Variants in OSBPL5 observed in about 807,000 individuals in gnomAD.
OSBPL5 encodes the protein oxysterol binding protein like 5, also known as oxysterol-binding protein-related protein 5.
OSBPL5 carries 71 observed loss-of-function variants against 111.2 expected under a neutral mutation model. That is an observed-to-expected ratio of 0.64 (90% CI 0.53 to 0.78). The LOEUF is 0.78. Among genes scored for constraint, OSBPL5 ranks in the 30% least tolerant of loss-of-function variants. The pLI, the probability that OSBPL5 is intolerant of heterozygous loss-of-function variation, is 0.00. For synonymous variants in OSBPL5, 549 were observed against 513.9 expected (o/e 1.07, Z -0.93); for missense variants, 1,210 against 1,189.3 (o/e 1.02, Z -0.26).
intron 17 of OSBPL5, 32 bp downstream of exon 17, chr11:3,093,495 C>A: frequency 6.3e-7 from 1 of 1,598,508 alleles, no homozygotes; most frequent in South Asian, 1.1e-5. Context: ...AGGCTGTGGT[C>A]AGCAGGGTCC....
intron 6 of OSBPL5, among the ~76,000 whole-genome samples, chr11:3,120,157 T>G (rs924397817): frequency 3.9e-5 from 6 of 152,192 alleles, no homozygotes; most frequent in Non-Finnish European, 8.8e-5. Context: ...GAGCAGCCAC[T>G]GTTGTCCCTC....
chr11:3,147,866 G>A (rs574745903), intron 1 of OSBPL5, among the ~76,000 whole-genome samples: 11 of 152,246 alleles, frequency 7.2e-5, no homozygotes, highest in African/African-American at 1.4e-4. Context: ...CTTCTGTCTC[G>A]TCTGGGTCTC....
intron 1 of OSBPL5, among the ~76,000 whole-genome samples, chr11:3,151,595 T>C (rs980646425): frequency 6.6e-6 from 1 of 152,212 alleles, no homozygotes; most frequent in Non-Finnish European, 1.5e-5. Flanking sequence ...GGGTTGAAGA[T>C]GAAGCCTCAT....
intron 1 of OSBPL5, among the ~76,000 whole-genome samples, chr11:3,149,663 GGA>G (rs1271040852): frequency 6.6e-6 from 1 of 152,226 alleles, no homozygotes; most frequent in Non-Finnish European, 1.5e-5. Flanking sequence ...GGTCCTATCA[GGA>G]CATGTGGTTT....
Position 3,100,367 on chromosome 11 carries a change from G to C in OSBPL5, c.1523-111C>G, listed in dbSNP as rs148724532. On this transcript the variant is annotated intron_variant, in intron 13 of 21. Transcript: ENST00000263650. ...CCTTCCAACAGCTGAACACGCTCCT[G>C]GCACTTCCAGTGGTGTGTCTGTGCG... is the stretch of plus-strand genomic sequence containing the variant. The C allele has an allele frequency of 4.4e-4, 372 of 851,914 alleles. 2 individuals are homozygous for C. Among genetic ancestry groups the C allele is most frequent in the South Asian group, 8.0e-4 (54 of 67,630 alleles). The allele number at this position is 851,914 out of a possible 1,614,324, so 52.8% of individuals were successfully genotyped here.
intron 1 of OSBPL5, among the ~76,000 whole-genome samples, chr11:3,147,985 G>A (rs1846418978): frequency 6.6e-6 from 1 of 152,274 alleles, no homozygotes; most frequent in Admixed American, 6.5e-5. Context: ...CTCCTGCCTG[G>A]TCACTCTCCT....
At chr11:3,136,609 T>C (rs1480562805) in intron 1 of OSBPL5, among the ~76,000 whole-genome samples, 1 of 152,214 alleles carries the variant, frequency 6.6e-6, no homozygotes, top group Non-Finnish European at 1.5e-5. Context: ...GCCACCTTCA[T>C]CTCTCAGGCC....
intron 10 of OSBPL5, among the ~76,000 whole-genome samples, chr11:3,103,731 TTCCTGCCTCTGCAACCCTC>T (rs1438873185): frequency 1.8e-4 from 11 of 61,472 alleles, no homozygotes; most frequent in Admixed American, 4.2e-4. Flanking sequence ...CTGCTGCCCC[TTCCTGCCTCTGCAACCCTC>T]TTCCAGCTCT....
In OSBPL5 at chr11:3,121,094, TTG is replaced by T. The variant is rs1209893356; in HGVS notation, c.403-472_403-471del. Among the ~76,000 whole-genome samples, 3 of 149,378 alleles carry T rather than the reference TTG, an allele frequency of 2.0e-5. No individual in the cohort carries two copies. The highest frequency in any genetic ancestry group is 4.4e-5 in the Non-Finnish European group (3 of 67,566). ...TTTTTTTTTTGAGACAGAGTCTCTGTTGCCCAGGCTGGAGGTGCAGTGGTGCT... is the reference window on the plus strand; with the variant it reads ...TTTTTTTTTTGAGACAGAGTCTCTGTCCCAGGCTGGAGGTGCAGTGGTGCT... On this transcript the variant is annotated intron_variant, in intron 5 of 21. Coordinates refer to ENST00000263650, the MANE Select transcript of OSBPL5 (RefSeq NM_020896.4). This position sits in a 1 kb window ranked among gnomAD's most constrained non-coding sequence, Gnocchi z 4.3.
Position 3,121,613 on chromosome 11 carries a change from T to A in OSBPL5, c.402+384A>T, listed in dbSNP as rs962254140. On this transcript the variant is annotated intron_variant, in intron 5 of 21. Coordinates refer to ENST00000263650, the MANE Select transcript of OSBPL5 (RefSeq NM_020896.4). The surrounding 1 kb of genome is among the most constrained non-coding windows in gnomAD (Gnocchi z 4.3). ...GGCGAGTGAATGGCCACGGTCTCCG[T>A]GAGGTCTGAACACAGGACACCCGGC... Among the ~76,000 whole-genome samples the A allele has an allele frequency of 6.6e-6, 1 of 152,136 alleles. No individual in the cohort carries two copies. The highest frequency in any genetic ancestry group is 1.5e-5 in the Non-Finnish European group (1 of 68,024).
chr11:3,104,153 A>C lies in OSBPL5; in HGVS notation c.1244+40T>G. 1 of 1,571,354 alleles carries C rather than the reference A, an allele frequency of 6.4e-7. No homozygotes were observed. The highest frequency in any genetic ancestry group is 8.7e-7 in the Non-Finnish European group (1 of 1,153,240). On this transcript the variant is annotated intron_variant, in intron 10 of 21. Transcript: ENST00000263650. This position sits in a 1 kb window ranked among gnomAD's most constrained non-coding sequence, Gnocchi z 5.0. ...GTGCTGCAGGGTCTCATGCAGATGCAGGACGAGGTGTGGGGTGCCCCTCCC... is the reference window on the plus strand; with the variant it reads ...GTGCTGCAGGGTCTCATGCAGATGCCGGACGAGGTGTGGGGTGCCCCTCCC...
chr11:3,089,592 C>T (rs1856987846), intron 21 of OSBPL5, among the ~76,000 whole-genome samples: 1 of 152,344 alleles, frequency 6.6e-6, no homozygotes, highest in South Asian at 2.1e-4. Context: ...GGCTTCAGGA[C>T]ATCTCCAGCT....
chr11:3,161,252 T>G lies in OSBPL5; in HGVS notation c.-22+3964A>C, dbSNP rs1300372596. On this transcript the variant is annotated intron_variant, in intron 1 of 21. Coordinates refer to ENST00000263650, the MANE Select transcript of OSBPL5 (RefSeq NM_020896.4). This position sits in a 1 kb window ranked among gnomAD's most constrained non-coding sequence, Gnocchi z 8.0. ...AGAGGGGATCTATGGACCAGTTAAG[T>G]CCATCTGCATTCACCAAACACACTA... The G allele has an allele frequency of 1.3e-5, 2 of 152,214 alleles. No individual in the cohort carries two copies. Among genetic ancestry groups the G allele is most frequent in the Non-Finnish European group, 2.9e-5 (2 of 68,012 alleles). The allele number at this position is 152,214 out of a possible 1,614,324, so 9.4% of individuals were successfully genotyped here. A position where few individuals can be genotyped will look rare whatever the true frequency, so the allele number is the denominator to read the frequency against.
chr11:3,098,495 A>ATTTTTTTTTTTTTTTTTTT (rs552382553), intron 14 of OSBPL5, among the ~76,000 whole-genome samples: 4 of 81,194 alleles, frequency 4.9e-5, no homozygotes, highest in African/African-American at 1.9e-4. Flanking sequence ...ACATGAAGGA[A>ATTTTTTTTTTTTTTTTTTT]TTTTTTTTTT....
At chr11:3,125,057 C>T (rs571694587) in intron 3 of OSBPL5, among the ~76,000 whole-genome samples, 13 of 152,310 alleles carry the variant, frequency 8.5e-5, no homozygotes, top group South Asian at 2.1e-4. Context: ...CTGCCCACTC[C>T]TCCCTCCTGC....
chr11:3,092,723 G>A lies in OSBPL5; in HGVS notation c.2132+144C>T, dbSNP rs1016251614. On this transcript the variant is annotated intron_variant, in intron 18 of 21. Coordinates refer to ENST00000263650, the MANE Select transcript of OSBPL5 (RefSeq NM_020896.4). This position sits in a 1 kb window ranked among gnomAD's most constrained non-coding sequence, Gnocchi z 5.4. ...CTGCAGTAAGGACTGATGATGGGGGGTGTCACTATCTGACCCTCCCCCACC... is the reference window on the plus strand; with the variant it reads ...CTGCAGTAAGGACTGATGATGGGGGATGTCACTATCTGACCCTCCCCCACC... 6.1e-6 allele frequency: 8 copies of A among 1,319,980 alleles called. No homozygotes were observed. Among genetic ancestry groups the A allele is most frequent in the Non-Finnish European group, 8.1e-6 (8 of 985,058 alleles). 81.8% of individuals were successfully genotyped at this position (1,319,980 alleles called of 1,614,324 possible).
chr11:3,100,319 C>T (rs1317861978), intron 13 of OSBPL5, 63 bp from the exon 14 acceptor site: 3 of 1,448,844 alleles, frequency 2.1e-6, no homozygotes, highest in East Asian at 4.7e-5. Flanking sequence ...CTGAGGCCAC[C>T]CCTAAGTCAC....
chr11:3,124,754 G>T (rs1270208922), intron 3 of OSBPL5, among the ~76,000 whole-genome samples: 2 of 152,104 alleles, frequency 1.3e-5, no homozygotes, highest in Non-Finnish European at 2.9e-5. Flanking sequence ...CTACCCTACT[G>T]CCCATTCACA....
chr11:3,132,270 A>G lies in OSBPL5; in HGVS notation c.-21-3101T>C, dbSNP rs536032283. Among the ~76,000 whole-genome samples, 27 of 152,046 alleles carry G rather than the reference A, an allele frequency of 1.8e-4. No individual in the cohort carries two copies. The South Asian group carries it at 5.6e-3, about 32-fold the overall frequency. ...TCACTCTGTGTGCCAACAACCCCAGACCAGTGTCCAGTGCCCCGGGCCCTG... is the reference window on the plus strand; with the variant it reads ...TCACTCTGTGTGCCAACAACCCCAGGCCAGTGTCCAGTGCCCCGGGCCCTG... On this transcript the variant is annotated intron_variant, in intron 1 of 21. Coordinates refer to ENST00000263650, the MANE Select transcript of OSBPL5 (RefSeq NM_020896.4).
Sources: gnomAD v4.1 joint callset for allele counts (sites outside exome capture counted in the v4.1 genomes callset) on GRCh38, gnomAD v4.1.1 for gene constraint, Gnocchi (gnomAD v3.1) non-coding constraint, MANE v1.5 for transcripts, NCBI Gene and HGNC (gene_info 2026-07-23, HGNC 2026-07-21) for gene names.